RCAN1: variants seen among roughly 807,000 people sequenced by gnomAD.
RCAN1 encodes the protein calcipressin-1.
Under a neutral mutation model 22.9 loss-of-function variants are expected in RCAN1, and 11 were observed. That is an observed-to-expected ratio of 0.48 (90% CI 0.30 to 0.79). The LOEUF (loss-of-function observed/expected upper bound fraction) is 0.79. RCAN1 is among the 30% of genes least tolerant of loss of function. RCAN1 has a pLI of 0.06. For missense variants in RCAN1, 291 were observed against 337.8 expected (o/e 0.86, Z 1.09); for synonymous variants, 136 against 142.3 (o/e 0.96, Z 0.32).
At position 34,614,128 on chromosome 21, in the gene RCAN1, G is replaced by T; in HGVS notation, c.252+632C>A. The stretch of plus-strand genomic sequence containing the variant: ...GGAGTCGACTCCCCATGTACTGGGT[G>T]TCCCCGATGGCGGCAAGCCACACCT... On this transcript the variant is annotated intron_variant, in intron 1 of 3. Coordinates refer to ENST00000313806, the MANE Select transcript of RCAN1 (RefSeq NM_004414.7). The surrounding 1 kb of genome is among the most constrained non-coding windows in gnomAD (Gnocchi z 6.0). The T allele has an allele frequency of 1.5e-6, 1 of 669,764 alleles. No homozygotes were observed. The highest frequency in any genetic ancestry group is 2.0e-6 in the Non-Finnish European group (1 of 511,100). The allele number at this position is 669,764 out of a possible 1,614,324, so 41.5% of individuals were successfully genotyped here. A position where few individuals can be genotyped will look rare whatever the true frequency, so the allele number is the denominator to read the frequency against.
rs111758705 is a variant in RCAN1 at position 34,579,324 on chromosome 21, G to A, written c.252+35436C>T. On this transcript the variant is annotated intron_variant, in intron 1 of 3. Transcript: ENST00000313806. ...AGGCTGGGGTGAGAAGATCACTTGGGCCTGGTAGGCAGAGGCTGCAGTGAG... is the reference window on the plus strand; with the variant it reads ...AGGCTGGGGTGAGAAGATCACTTGGACCTGGTAGGCAGAGGCTGCAGTGAG... Among the ~76,000 whole-genome samples the A allele has an allele frequency of 9.2e-3, 1,407 of 152,230 alleles. 12 individuals are homozygous for A. The highest frequency in any genetic ancestry group is 0.032 in the African/African-American group (1,348 of 41,532).
chr21:34,558,679 T>C (rs1986677326), intron 1 of RCAN1, among the ~76,000 whole-genome samples: 6 of 152,252 alleles, frequency 3.9e-5, no homozygotes, highest in Admixed American at 3.9e-4. Context: ...ACTCTGGTTT[T>C]TCAAGGAACC....
At chr21:34,611,670 G>A (rs1988691296) in intron 1 of RCAN1, among the ~76,000 whole-genome samples, 1 of 152,146 alleles carries the variant, frequency 6.6e-6, no homozygotes, top group African/African-American at 2.4e-5. Context: ...TGCAGTTAAT[G>A]ATCTGTTTAC....
chr21:34,604,648 C>T, intron 1 of RCAN1, among the ~76,000 whole-genome samples: 1 of 152,192 alleles, frequency 6.6e-6, no homozygotes. Flanking sequence ...TGAGCAGATT[C>T]CTACATGGAA....
At chr21:34,578,936 C>T (rs906909304) in intron 1 of RCAN1, among the ~76,000 whole-genome samples, 5 of 152,144 alleles carry the variant, frequency 3.3e-5, no homozygotes, top group Non-Finnish European at 7.3e-5. Flanking sequence ...GTCATCTACC[C>T]TTTGGGCCCC....
intron 1 of RCAN1, among the ~76,000 whole-genome samples, chr21:34,610,388 A>G (rs2123738072): frequency 6.6e-6 from 1 of 152,268 alleles, no homozygotes; most frequent in Admixed American, 6.5e-5. Context: ...GTTAAACCAA[A>G]TGCCCCATCT....
At chr21:34,543,342 C>T (rs532481034) in intron 1 of RCAN1, among the ~76,000 whole-genome samples, 1 of 152,104 alleles carries the variant, frequency 6.6e-6, no homozygotes, top group Non-Finnish European at 1.5e-5. Flanking sequence ...GGGCTGGAGT[C>T]GGAGATGGAG....
intron 1 of RCAN1, chr21:34,525,336 C>T (rs1303818439): frequency 9.9e-6 from 15 of 1,509,832 alleles, no homozygotes; most frequent in South Asian, 2.5e-5. Context: ...AGTTTAGGGA[C>T]ATTTCTGAGA....
chr21:34,568,113 T>A (rs1336909594), intron 1 of RCAN1, among the ~76,000 whole-genome samples: 1 of 152,194 alleles, frequency 6.6e-6, no homozygotes, highest in Non-Finnish European at 1.5e-5. Context: ...TTTCATAGCA[T>A]GCCATGGTCC....
intron 1 of RCAN1, among the ~76,000 whole-genome samples, chr21:34,528,383 C>A (rs947296373): frequency 3.9e-5 from 6 of 152,206 alleles, no homozygotes; most frequent in Admixed American, 1.3e-4. Context: ...ATGGTGTTTG[C>A]TTTGCCAAAT....
chr21:34,576,254 G>A (rs1018149683), intron 1 of RCAN1, among the ~76,000 whole-genome samples: 21 of 152,166 alleles, frequency 1.4e-4, no homozygotes. Context: ...TGTCAGATAA[G>A]TGCAATAAAC....
chr21:34,611,182 A>G (rs921811603), intron 1 of RCAN1, among the ~76,000 whole-genome samples: 1 of 152,234 alleles, frequency 6.6e-6, no homozygotes, highest in Non-Finnish European at 1.5e-5. Flanking sequence ...AATTCAAAGC[A>G]CATGTAATTA....
intron 1 of RCAN1, among the ~76,000 whole-genome samples, chr21:34,531,052 A>G (rs570929106): frequency 6.6e-6 from 1 of 152,334 alleles, no homozygotes; most frequent in African/African-American, 2.4e-5. Context: ...TCTAAAAGGC[A>G]TTATTAACTA....
chr21:34,568,028 C>A (rs112000334), intron 1 of RCAN1, among the ~76,000 whole-genome samples: 4 of 152,146 alleles, frequency 2.6e-5, no homozygotes, highest in Non-Finnish European at 5.9e-5. Flanking sequence ...AGGGTGTTGG[C>A]GGATCTGTAT....
At chr21:34,596,219 G>A (rs1366143581) in intron 1 of RCAN1, among the ~76,000 whole-genome samples, 5 of 152,140 alleles carry the variant, frequency 3.3e-5, no homozygotes, top group African/African-American at 7.2e-5. Flanking sequence ...TCAAGTGCCC[G>A]GCCTTCTTAA....
At chr21:34,551,839 C>T (rs1986380919) in intron 1 of RCAN1, among the ~76,000 whole-genome samples, 1 of 152,044 alleles carries the variant, frequency 6.6e-6, no homozygotes. Context: ...ATCATGGGTC[C>T]CAGGGGAAGA....
intron 1 of RCAN1, among the ~76,000 whole-genome samples, chr21:34,534,901 C>T (rs562180326): frequency 9.9e-5 from 15 of 152,260 alleles, no homozygotes; most frequent in African/African-American, 2.9e-4. Flanking sequence ...CTGGGAGGCC[C>T]GACCACATGG....
intron 1 of RCAN1, among the ~76,000 whole-genome samples, chr21:34,532,991 T>G (rs56061237): frequency 6.6e-6 from 1 of 151,146 alleles, no homozygotes; most frequent in Non-Finnish European, 1.5e-5. Flanking sequence ...GACGGAGTCT[T>G]GCTCTGTCGC....
chr21:34,543,901 A>G (rs1986022939), intron 1 of RCAN1, among the ~76,000 whole-genome samples: 1 of 152,234 alleles, frequency 6.6e-6, no homozygotes, highest in Non-Finnish European at 1.5e-5. Context: ...AGCCAGAGTC[A>G]GTTGCCTGCT....
Sources: gnomAD v4.1 joint callset for allele counts (sites outside exome capture counted in the v4.1 genomes callset) on GRCh38, gnomAD v4.1.1 for gene constraint, Gnocchi (gnomAD v3.1) non-coding constraint, MANE v1.5 for transcripts, NCBI Gene and HGNC (gene_info 2026-07-23, HGNC 2026-07-21) for gene names.